The following TPST1 variants were observed in gnomAD, a reference collection of about 807,000 sequenced individuals.
TPST1 encodes protein-tyrosine sulfotransferase 1.
TPST1 carries 20 observed loss-of-function variants against 34.8 expected under a neutral mutation model. That is an observed-to-expected ratio of 0.57 (90% confidence interval 0.40 to 0.84). The LOEUF (loss-of-function observed/expected upper bound fraction) is 0.84, where lower values mean the gene tolerates loss of function less well. Ranked by LOEUF, TPST1 falls within the 40% of genes least tolerant of loss-of-function variation. TPST1 has a pLI of 0.00. For synonymous variants in TPST1, 152 were observed against 159.4 expected (o/e 0.95, Z 0.35); for missense variants, 353 against 455.5 (o/e 0.78, Z 2.05).
intron 3 of TPST1, among the ~76,000 whole-genome samples, chr7:66,318,410 C>T (rs937253592): frequency 6.6e-6 from 1 of 151,938 alleles, no homozygotes; most frequent in African/African-American, 2.4e-5. Context: ...TTACTTCTTG[C>T]ATCTAAGATC....
chr7:66,237,627 G>A (rs1210212222), intron 1 of TPST1, among the ~76,000 whole-genome samples: 2 of 152,142 alleles, frequency 1.3e-5, no homozygotes, highest in African/African-American at 2.4e-5. Flanking sequence ...TCAGGGTAAG[G>A]CAAACCATTA....
intron 5 of TPST1, chr7:66,359,173 G>T (rs987851495): frequency 6.8e-6 from 1 of 147,678 alleles, no homozygotes; most frequent in Admixed American, 6.8e-5. Flanking sequence ...TCAGGGTGCT[G>T]ACCCCTGGGA....
rs377529117 is a variant in TPST1, at chr7:66,348,299, C to G, written c.1045-4206C>G. Among the ~76,000 whole-genome samples the G allele has an allele frequency of 2.6e-5, 4 of 152,176 alleles. No homozygotes were observed. In the East Asian group the frequency reaches 7.7e-4, roughly 29 times the overall value. ...GCAACTAGAATGATTAAAGTCCAAT[C>G]TAGTACTACTACAGAAGCTTCCCAT... On this transcript the variant is annotated intron_variant, in intron 3 of 5. Transcript: ENST00000304842.
intron 3 of TPST1, among the ~76,000 whole-genome samples, chr7:66,322,008 T>C (rs1352792720): frequency 6.6e-6 from 1 of 152,216 alleles, no homozygotes; most frequent in Non-Finnish European, 1.5e-5. Flanking sequence ...ACTTCTCCCA[T>C]CTATCTGCCT....
At chr7:66,235,322 A>G (rs1789890202) in intron 1 of TPST1, among the ~76,000 whole-genome samples, 3 of 151,516 alleles carry the variant, frequency 2.0e-5, no homozygotes, top group South Asian at 2.1e-4. Flanking sequence ...TTTTAATGCT[A>G]TATTGCCACC....
At chr7:66,352,589 T>C in intron 4 of TPST1, 34 bp downstream of exon 4, 2 of 1,600,722 alleles carry the variant, frequency 1.2e-6, no homozygotes, top group Non-Finnish European at 1.7e-6. Context: ...TGATGTATAC[T>C]AGATTGGCTC....
upstream of TPST1, among the ~76,000 whole-genome samples, chr7:66,203,995 G>T (rs1789069418): frequency 6.6e-6 from 1 of 151,930 alleles, no homozygotes; most frequent in African/African-American, 2.4e-5. Flanking sequence ...TGGGCAACTT[G>T]ATGAAACCCC....
chr7:66,243,941 A>ATTTTTT (rs55829208), intron 2 of TPST1, among the ~76,000 whole-genome samples: 9 of 116,232 alleles, frequency 7.7e-5, no homozygotes, highest in Non-Finnish European at 7.0e-5. Flanking sequence ...ATTCTGGGAA[A>ATTTTTT]TTTTTTTTTT....
chr7:66,269,029 C>A (rs1283123297), intron 2 of TPST1, among the ~76,000 whole-genome samples: 1 of 152,182 alleles, frequency 6.6e-6, no homozygotes, highest in Admixed American at 6.5e-5. Context: ...CAAGAAAGTA[C>A]ATTTGTAATA....
intron 1 of TPST1, among the ~76,000 whole-genome samples, chr7:66,219,558 G>A (rs990035021): frequency 2.6e-5 from 4 of 152,148 alleles, no homozygotes; most frequent in Non-Finnish European, 5.9e-5. Flanking sequence ...TGGATTTATA[G>A]TTTTCTTCTG....
chr7:66,295,554 G>A (rs1314530767), intron 3 of TPST1, among the ~76,000 whole-genome samples: 1 of 152,028 alleles, frequency 6.6e-6, no homozygotes, highest in Non-Finnish European at 1.5e-5. Context: ...GCATAATTGA[G>A]GTAATTTATT....
intron 3 of TPST1, among the ~76,000 whole-genome samples, chr7:66,351,686 A>G (rs1792482118): frequency 6.6e-6 from 1 of 151,280 alleles, no homozygotes; most frequent in African/African-American, 2.4e-5. Flanking sequence ...AAAAAAAAAA[A>G]GCATGCTAGA....
chr7:66,302,064 A>G (rs1389624636), intron 3 of TPST1, among the ~76,000 whole-genome samples: 1 of 152,182 alleles, frequency 6.6e-6, no homozygotes, highest in African/African-American at 2.4e-5. Context: ...TGTATAACAG[A>G]GGGGTAGAGA....
intron 3 of TPST1, among the ~76,000 whole-genome samples, chr7:66,344,721 A>ATTTT (rs757855278): frequency 7.8e-6 from 1 of 128,776 alleles, no homozygotes; most frequent in East Asian, 2.2e-4. Flanking sequence ...AACATTTCTA[A>ATTTT]TTTTTTTTTT....
Position 66,240,540 on chromosome 7 carries a change from A to T in TPST1, c.115A>T (p.Ser39Cys), listed in dbSNP as rs752587197. 1.2e-6 allele frequency: 2 copies of T among 1,614,238 alleles called. No homozygotes were observed. The highest frequency in any genetic ancestry group is 8.5e-7 in the Non-Finnish European group (1 of 1,180,040). ...ATGCCATCACCGGATAGAGGAACGT[A>T]GCCAGCCAGTCAAATTGGAGAGCAC... The part of the protein sequence containing the change: ...MECHHRIEER[S>C]QPVKLESTRT... Residue 39 changes from serine to cysteine, a missense_variant, in exon 2 of 6, where the codon AGC (serine) becomes TGC (cysteine). Physicochemically the swap from Ser to Cys is moderately radical, Grantham distance 112. Coordinates refer to ENST00000304842, the MANE Select transcript of TPST1 (RefSeq NM_003596.4).
chr7:66,265,516 C>T (rs528690757), intron 2 of TPST1, among the ~76,000 whole-genome samples: 26 of 146,704 alleles, frequency 1.8e-4, no homozygotes, highest in African/African-American at 5.8e-4. Flanking sequence ...CACTACTGCA[C>T]TGCAGACTGG....
chr7:66,339,356 TA>T (rs36070878), intron 3 of TPST1, among the ~76,000 whole-genome samples: 3 of 152,016 alleles, frequency 2.0e-5, no homozygotes, highest in African/African-American at 7.3e-5. Context: ...TGAAGCCATA[TA>T]AAAAAAGTCT....
At chr7:66,247,130 AAAAC>A (rs1223965310) in intron 2 of TPST1, among the ~76,000 whole-genome samples, 5 of 152,226 alleles carry the variant, frequency 3.3e-5, no homozygotes, top group South Asian at 4.1e-4. Flanking sequence ...TGAATAATTA[AAAAC>A]AAACAAAAAG....
chr7:66,333,552 G>A (rs1792036829), intron 3 of TPST1, among the ~76,000 whole-genome samples: 4 of 152,120 alleles, frequency 2.6e-5, no homozygotes, highest in Admixed American at 2.6e-4. Flanking sequence ...CATTAGAACT[G>A]GGAAGGTTAA....
Sources: allele counts gnomAD v4.1 joint callset (sites outside exome capture counted in the v4.1 genomes callset), GRCh38; gene constraint gnomAD v4.1.1; transcripts MANE v1.5; gene names NCBI Gene and HGNC (gene_info 2026-07-23, HGNC 2026-07-21).